WLS: variants seen among roughly 807,000 people sequenced by gnomAD.
WLS encodes protein wntless homolog.
WLS carries 23 observed loss-of-function variants against 62.8 expected under a neutral mutation model. The observed-to-expected ratio is 0.37, with a 90% CI of 0.26 to 0.52. WLS has a LOEUF of 0.52. Among genes scored for constraint, WLS ranks in the 20% least tolerant of loss-of-function variants. WLS has a pLI of 0.92. For synonymous variants in WLS, 246 were observed against 244.1 expected (o/e 1.01, Z -0.07); for missense variants, 615 against 697.3 (o/e 0.88, Z 1.33).
At chr1:68,148,329 A>G in intron 7 of WLS, 130 bp from the exon 8 acceptor site, 2 of 1,033,068 alleles carry the variant, frequency 1.9e-6, no homozygotes, top group South Asian at 1.5e-5. Context: ...AACATTACAG[A>G]AATCCTAAAG....
intron 1 of WLS, among the ~76,000 whole-genome samples, chr1:68,217,319 T>A (rs745606876): frequency 2.0e-5 from 3 of 152,208 alleles, no homozygotes; most frequent in Non-Finnish European, 4.4e-5. Flanking sequence ...GCATTCCGCC[T>A]TTCTACTCAA....
At chr1:68,146,067 G>A (rs1388592187) in intron 8 of WLS, 55 bp from the exon 9 acceptor site, 1 of 1,590,102 alleles carries the variant, frequency 6.3e-7, no homozygotes, top group Non-Finnish European at 8.6e-7. Flanking sequence ...GTTGAGCCGG[G>A]TCCAGGCCCT....
intron 2 of WLS, among the ~76,000 whole-genome samples, chr1:68,163,655 A>T (rs1248373047): frequency 6.6e-6 from 1 of 151,026 alleles, no homozygotes; most frequent in Non-Finnish European, 1.5e-5. Context: ...AAAAAGCACA[A>T]ATCACATTTC....
chr1:68,139,094 A>G (rs1044394871), intron 10 of WLS, among the ~76,000 whole-genome samples: 5 of 152,236 alleles, frequency 3.3e-5, no homozygotes, highest in Admixed American at 6.5e-5. Context: ...ACATTAGCCA[A>G]TTATAGACTT....
intron 1 of WLS, among the ~76,000 whole-genome samples, chr1:68,198,449 C>T (rs1648801803): frequency 6.6e-6 from 1 of 152,158 alleles, no homozygotes; most frequent in South Asian, 2.1e-4. Context: ...TTCTATATAA[C>T]ATTTAATGTT....
rs558577214 is a variant in WLS, at chr1:68,133,507, A to C, written c.1516+4273T>G. Among the ~76,000 whole-genome samples, 3 of 152,190 alleles carry C rather than the reference A, an allele frequency of 2.0e-5. No individual in the cohort carries two copies. The East Asian group carries it at 5.8e-4, about 29-fold the overall frequency. ...ACTCCTTCGAGCTTCACTTCACTCCATCTCATTCAAGATGGCACAAGGCTA... is the reference window on the plus strand; with the variant it reads ...ACTCCTTCGAGCTTCACTTCACTCCCTCTCATTCAAGATGGCACAAGGCTA... On this transcript the variant is annotated intron_variant, in intron 11 of 11. Coordinates refer to ENST00000262348, the MANE Select transcript of WLS (RefSeq NM_024911.7).
At chr1:68,126,396 C>G in intron 11 of WLS, 61 bp from the exon 12 acceptor site, 1 of 1,601,936 alleles carries the variant, frequency 6.2e-7, no homozygotes, top group Non-Finnish European at 8.5e-7. Flanking sequence ...AGCTGGGGTT[C>G]ATCTCATGGA....
chr1:68,126,400 T>C, intron 11 of WLS, 65 bp from the exon 12 acceptor site: 1 of 1,598,722 alleles, frequency 6.3e-7, no homozygotes. Context: ...GGGGTTCATC[T>C]CATGGACAAC....
chr1:68,105,313 C>A (rs1646128750), intron 11 of WLS, among the ~76,000 whole-genome samples: 1 of 152,138 alleles, frequency 6.6e-6, no homozygotes, highest in Admixed American at 6.5e-5. Context: ...AACCCTTTTG[C>A]ATTGTTTAGT....
intron 2 of WLS, among the ~76,000 whole-genome samples, chr1:68,192,582 C>A (rs1373891822): frequency 4.9e-5 from 7 of 141,824 alleles, no homozygotes; most frequent in Admixed American, 4.3e-4. Context: ...GTCACACACA[C>A]AAAAAAAAAA....
intron 2 of WLS, among the ~76,000 whole-genome samples, chr1:68,189,832 G>A (rs934581026): frequency 5.3e-5 from 8 of 152,140 alleles, no homozygotes; most frequent in Admixed American, 2.0e-4. Flanking sequence ...TCAGGAGTTC[G>A]AGACCAGTCT....
chr1:68,187,374 T>C (rs757915742), intron 2 of WLS, among the ~76,000 whole-genome samples: 3 of 151,992 alleles, frequency 2.0e-5, no homozygotes, highest in Non-Finnish European at 4.4e-5. Context: ...CTAGTTCTCA[T>C]GTTATAAGAA....
At chr1:68,214,182 AAC>A (rs71581159) in intron 1 of WLS, among the ~76,000 whole-genome samples, 207 of 146,450 alleles carry the variant, frequency 1.4e-3, no homozygotes, top group East Asian at 5.3e-3. Context: ...GTGATCTCTG[AAC>A]ACACACACAC....
intron 11 of WLS, among the ~76,000 whole-genome samples, chr1:68,104,088 A>G (rs9436367): frequency 0.075 from 11,362 of 152,180 alleles, 516 homozygotes; most frequent in Non-Finnish European, 0.094. Context: ...CTTGAGGCAC[A>G]GGACAGAAGC....
chr1:68,202,014 G>A (rs1415397211), intron 1 of WLS: 1 of 152,176 alleles, frequency 6.6e-6, no homozygotes, highest in Non-Finnish European at 1.5e-5. Context: ...CAATTGTTGT[G>A]GAGCCAAAGA....
At chr1:68,109,254 C>T (rs189838537) in intron 11 of WLS, among the ~76,000 whole-genome samples, 1 of 152,236 alleles carries the variant, frequency 6.6e-6, no homozygotes, top group African/African-American at 2.4e-5. Context: ...AGGTGGGTAA[C>T]CCTCTGGCTC....
chr1:68,197,315 T>C (rs887522960), intron 1 of WLS, among the ~76,000 whole-genome samples: 3 of 147,834 alleles, frequency 2.0e-5, no homozygotes, highest in Non-Finnish European at 4.4e-5. Context: ...GTTTCTTCTA[T>C]AAAGAAAAAA....
At chr1:68,113,600 G>A (rs1482049057) in intron 11 of WLS, among the ~76,000 whole-genome samples, 1 of 152,210 alleles carries the variant, frequency 6.6e-6, no homozygotes, top group Non-Finnish European at 1.5e-5. Context: ...ACCCCCTTGG[G>A]TAGGGGACGT....
chr1:68,168,587 A>G (rs1647097892), intron 2 of WLS, among the ~76,000 whole-genome samples: 1 of 152,188 alleles, frequency 6.6e-6, no homozygotes, highest in African/African-American at 2.4e-5. Context: ...ATCAGGAATG[A>G]TTTTATGGTT....
Sources: gnomAD v4.1 joint callset for allele counts (sites outside exome capture counted in the v4.1 genomes callset) on GRCh38, gnomAD v4.1.1 for gene constraint, MANE v1.5 for transcripts, NCBI Gene and HGNC (gene_info 2026-07-23, HGNC 2026-07-21) for gene names.